The following GNAQ variants were observed in gnomAD, a reference collection of about 807,000 sequenced individuals.
The protein encoded by GNAQ is G protein subunit alpha q, also known as guanine nucleotide-binding protein G(q) subunit alpha.
GNAQ carries 8 observed loss-of-function variants against 43.9 expected under a neutral mutation model. The observed-to-expected ratio is 0.18, with a 90% CI of 0.11 to 0.33. The LOEUF is 0.33. Ranked by LOEUF, GNAQ falls within the 10% of genes least tolerant of loss-of-function variation. The pLI is 1.00. For synonymous variants in GNAQ, 155 were observed against 170.7 expected (o/e 0.91, Z 0.71); for missense variants, 158 against 450.8 (o/e 0.35, Z 5.88).
At chr9:77,942,949 C>G (rs1829335545) in intron 1 of GNAQ, among the ~76,000 whole-genome samples, 2 of 152,176 alleles carry the variant, frequency 1.3e-5, no homozygotes, top group Non-Finnish European at 2.9e-5. Flanking sequence ...AATTAACCAA[C>G]TGGTTATTTG....
intron 6 of GNAQ, among the ~76,000 whole-genome samples, chr9:77,726,855 A>C (rs1587885202): frequency 6.6e-6 from 1 of 152,294 alleles, no homozygotes; most frequent in East Asian, 1.9e-4. Context: ...TGTGCTCTTA[A>C]CTATCTAGAC....
intron 1 of GNAQ, among the ~76,000 whole-genome samples, chr9:77,923,703 A>C (rs2118282530): frequency 6.6e-6 from 1 of 152,304 alleles, no homozygotes; most frequent in South Asian, 2.1e-4. Flanking sequence ...TAATAGAATG[A>C]AACACAGAAT....
intron 2 of GNAQ, among the ~76,000 whole-genome samples, chr9:77,890,870 C>T (rs1198044142): frequency 6.6e-6 from 1 of 152,136 alleles, no homozygotes; most frequent in Non-Finnish European, 1.5e-5. Flanking sequence ...AGGTGGGGCA[C>T]GTTTAGTTGC....
At chr9:77,812,654 T>G (rs1036829446) in intron 3 of GNAQ, among the ~76,000 whole-genome samples, 2 of 152,088 alleles carry the variant, frequency 1.3e-5, no homozygotes, top group Non-Finnish European at 2.9e-5. Context: ...TGGAAGAATT[T>G]GGGAAATCTG....
intron 1 of GNAQ, among the ~76,000 whole-genome samples, chr9:78,029,901 T>G (rs1824028576): frequency 6.6e-6 from 1 of 152,220 alleles, no homozygotes. Context: ...GGCCCGTTAC[T>G]GCAAAGCTGT....
chr9:77,802,885 C>T lies in GNAQ; in HGVS notation c.477-5237G>A, dbSNP rs60271041. 1.1e-3 allele frequency among the ~76,000 whole-genome samples: 172 copies of T among 152,214 alleles called. 4 individuals are homozygous for T. In the East Asian group the frequency reaches 0.031, roughly 27 times the overall value. On this transcript the variant is annotated intron_variant, in intron 3 of 6. Transcript: ENST00000286548. ...CAATCCCTCCATGGGGATTTAATGA[C>T]TTTTCACTGTGCTGAGACATTATAA... is the stretch of plus-strand genomic sequence containing the variant.
At chr9:77,963,322 A>G (rs1823128312) in intron 1 of GNAQ, among the ~76,000 whole-genome samples, 2 of 152,210 alleles carry the variant, frequency 1.3e-5, no homozygotes, top group African/African-American at 4.8e-5. Flanking sequence ...AACAGTAGAA[A>G]CAGTCGACAC....
At chr9:78,003,812 T>TAAA (rs557188160) in intron 1 of GNAQ, among the ~76,000 whole-genome samples, 4 of 91,622 alleles carry the variant, frequency 4.4e-5, no homozygotes. Flanking sequence ...CAAGACTGTC[T>TAAA]AAAAAAAAAA....
rs916973339 is a variant in GNAQ at position 77,752,197 on chromosome 9, TAG to T, written c.736-23532_736-23531del. ...ATAATAAAACAAAATAAACATGGTG[TAG>T]AGAGGTCTCTAGGCAAAACTGCAGT... On this transcript the variant is annotated intron_variant, in intron 5 of 6. Coordinates refer to ENST00000286548, the MANE Select transcript of GNAQ (RefSeq NM_002072.5). 4.5e-4 allele frequency among the ~76,000 whole-genome samples: 69 copies of T among 152,350 alleles called. 1 individual carries two copies. The highest frequency in any genetic ancestry group is 1.6e-3 in the African/African-American group (68 of 41,592).
intron 2 of GNAQ, among the ~76,000 whole-genome samples, chr9:77,816,145 T>G (rs185157757): frequency 6.6e-6 from 1 of 152,312 alleles, no homozygotes; most frequent in Admixed American, 6.5e-5. Context: ...CCCCTCTATG[T>G]TTATAGTTTA....
chr9:77,780,109 A>G (rs1318623065), intron 5 of GNAQ, among the ~76,000 whole-genome samples: 2 of 151,996 alleles, frequency 1.3e-5, no homozygotes, highest in East Asian at 1.9e-4. Context: ...TCTCAAATGT[A>G]TATCATTTCT....
chr9:77,939,022 C>T (rs1054741782), intron 1 of GNAQ, among the ~76,000 whole-genome samples: 2 of 152,142 alleles, frequency 1.3e-5, no homozygotes, highest in African/African-American at 4.8e-5. Context: ...GAGAGGGCAG[C>T]CTTGAGGGTT....
At chr9:77,992,528 A>G (rs57605809) in intron 1 of GNAQ, among the ~76,000 whole-genome samples, 1,842 of 152,296 alleles carry the variant, frequency 0.012, 44 homozygotes, top group African/African-American at 0.042. Context: ...ACCCAAAAGT[A>G]TAAAAAAAAA....
chr9:77,742,923 G>A (rs1417976624), intron 5 of GNAQ, among the ~76,000 whole-genome samples: 1 of 152,202 alleles, frequency 6.6e-6, no homozygotes. Flanking sequence ...TTGTCCCACA[G>A]TCACCAGTAC....
At chr9:77,757,901 T>C (rs1006586953) in intron 5 of GNAQ, among the ~76,000 whole-genome samples, 1 of 152,354 alleles carries the variant, frequency 6.6e-6, no homozygotes, top group South Asian at 2.1e-4. Context: ...CCCTAACATA[T>C]GAATATCATG....
intron 2 of GNAQ, among the ~76,000 whole-genome samples, chr9:77,855,382 G>A (rs563378941): frequency 6.6e-5 from 10 of 151,952 alleles, no homozygotes; most frequent in African/African-American, 1.7e-4. Flanking sequence ...AAAAGCAAAC[G>A]AAAGAACCTG....
chr9:77,787,649 T>C (rs867758329), intron 5 of GNAQ, among the ~76,000 whole-genome samples: 6 of 152,210 alleles, frequency 3.9e-5, no homozygotes, highest in Admixed American at 3.3e-4. Flanking sequence ...TATATCTTCA[T>C]ATTCTTAGGG....
chr9:78,003,034 G>C (rs1017715537), intron 1 of GNAQ, among the ~76,000 whole-genome samples: 9 of 151,990 alleles, frequency 5.9e-5, no homozygotes, highest in Admixed American at 2.6e-4. Context: ...ATGAGTCAAA[G>C]AAAAAATGAA....
chr9:77,885,279 A>T (rs1292058248), intron 2 of GNAQ, among the ~76,000 whole-genome samples: 1 of 152,080 alleles, frequency 6.6e-6, no homozygotes, highest in Non-Finnish European at 1.5e-5. Context: ...CAGCAAGCTC[A>T]AGGAGCCGGG....
Sources: allele counts gnomAD v4.1 joint callset (sites outside exome capture counted in the v4.1 genomes callset), GRCh38; gene constraint gnomAD v4.1.1; transcripts MANE v1.5; gene names NCBI Gene and HGNC (gene_info 2026-07-23, HGNC 2026-07-21).